YWHAZ: variants seen among roughly 807,000 people sequenced by gnomAD.
YWHAZ encodes 14-3-3 protein zeta/delta.
For synonymous variants in YWHAZ, 87 were observed against 103.6 expected (o/e 0.84, Z 0.97); for missense variants, 79 against 284.8 (o/e 0.28, Z 5.20).
intron 2 of YWHAZ, among the ~76,000 whole-genome samples, chr8:100,929,301 G>A (rs1446090173): frequency 6.6e-6 from 1 of 151,244 alleles, no homozygotes; most frequent in East Asian, 1.9e-4. Context: ...CTGAGTTCAA[G>A]CGTTTCTCCT....
intron 2 of YWHAZ, among the ~76,000 whole-genome samples, chr8:100,928,687 T>G (rs1474804711): frequency 6.7e-6 from 1 of 150,004 alleles, no homozygotes; most frequent in African/African-American, 2.5e-5. Context: ...GAGCTGAGAT[T>G]GCGCCATTGC....
intron 1 of YWHAZ, among the ~76,000 whole-genome samples, chr8:100,949,351 C>A (rs754545299): frequency 1.3e-5 from 2 of 152,134 alleles, no homozygotes; most frequent in Non-Finnish European, 2.9e-5. Context: ...TAATTCATAT[C>A]AGTTTAATGT....
intron 2 of YWHAZ, among the ~76,000 whole-genome samples, chr8:100,946,254 T>C (rs767718201): frequency 2.6e-5 from 4 of 152,172 alleles, no homozygotes; most frequent in Non-Finnish European, 5.9e-5. Flanking sequence ...CTGCTACAAG[T>C]TGGGCTGGAC....
At chr8:100,949,415 G>A (rs975655833) in intron 1 of YWHAZ, among the ~76,000 whole-genome samples, 1 of 151,746 alleles carries the variant, frequency 6.6e-6, no homozygotes, top group Non-Finnish European at 1.5e-5. Flanking sequence ...TTACATTTTA[G>A]CTTTAGTGTT....
chr8:100,920,795 TGGGGGGG>T, intron 5 of YWHAZ, 43 bp from the exon 6 acceptor site: 4 of 88,016 alleles, frequency 4.5e-5, no homozygotes, highest in Non-Finnish European at 4.5e-5. Context: ...TTCAGTGGGA[TGGGGGGG>T]GGGGGGCGTT....
rs1192290296 is a variant in YWHAZ at position 100,922,572 on chromosome 8, G to A, written c.678+1383C>T. The A allele has an allele frequency of 1.3e-5, 2 of 152,120 alleles. No homozygotes were observed. Among genetic ancestry groups the A allele is most frequent in the Non-Finnish European group, 2.9e-5 (2 of 68,080 alleles). 9.4% of individuals were successfully genotyped at this position (152,120 alleles called of 1,614,324 possible). ...AGCTAATTTTTGTATTTTTAGTAGA[G>A]ATGGGGTTTCACCATCTTGGCCAAG... is the stretch of plus-strand genomic sequence containing the variant. On this transcript the variant is annotated intron_variant, in intron 5 of 5. Transcript: ENST00000395958. The surrounding 1 kb of genome is among the most constrained non-coding windows in gnomAD (Gnocchi z 4.1).
chr8:100,921,477 C>T (rs1178790873), intron 5 of YWHAZ, among the ~76,000 whole-genome samples: 1 of 152,192 alleles, frequency 6.6e-6, no homozygotes, highest in Non-Finnish European at 1.5e-5. Flanking sequence ...CTACTCTCCA[C>T]TGGTAGATCT....
At chr8:100,934,521 C>T (rs1443180545) in intron 2 of YWHAZ, among the ~76,000 whole-genome samples, 4 of 151,718 alleles carry the variant, frequency 2.6e-5, no homozygotes, top group African/African-American at 4.8e-5. Context: ...GCTAACATGG[C>T]GAAACTCCGT....
chr8:100,937,830 A>G (rs151125184), intron 2 of YWHAZ, among the ~76,000 whole-genome samples: 563 of 152,314 alleles, frequency 3.7e-3, no homozygotes, highest in Non-Finnish European at 5.7e-3. Context: ...CACCCTAATT[A>G]TAGTCTGAAA....
chr8:100,952,860 G>C, upstream of YWHAZ: 2 of 1,000,314 alleles, frequency 2.0e-6, no homozygotes, highest in African/African-American at 1.7e-5. Flanking sequence ...CTGCTGGCTC[G>C]GGGGAAGCGG....
rs1812799747 is a variant in YWHAZ at position 100,918,408 on chromosome 8, T to TTATATATACATATATATATATA, written c.*2284_*2285insTATATATATATATGTATATATA. The TTATATATACATATATATATATA allele has an allele frequency of 2.4e-5, 1 of 41,882 alleles. No individual in the cohort carries two copies. Among genetic ancestry groups the TTATATATACATATATATATATA allele is most frequent in the East Asian group, 1.5e-3 (1 of 688 alleles). 2.6% of individuals were successfully genotyped at this position (41,882 alleles called of 1,614,324 possible). ...AGTCTAGCTATAAAATATAATTACT[T>TTATATATACATATATATATATA]TATATATATATATATATATATATAT... On this transcript the variant is annotated 3_prime_UTR_variant, in exon 6 of 6. Coordinates refer to ENST00000395958, the MANE Select transcript of YWHAZ (RefSeq NM_145690.3).
chr8:100,925,158 T>TCAATA, intron 2 of YWHAZ, 119 bp from the exon 3 acceptor site: 5 of 1,068,250 alleles, frequency 4.7e-6, no homozygotes, highest in Non-Finnish European at 5.3e-6. Context: ...CCAGTCACTG[T>TCAATA]CAATACAATT....
chr8:100,948,672 T>C lies in YWHAZ; in HGVS notation c.218A>G (p.Glu73Gly). ...SSIEQKTEGAEKKQQMAREYR... is the reference protein window; with the variant it reads ...SSIEQKTEGAGKKQQMAREYR... The stretch of plus-strand genomic sequence containing the variant: ...TTCTCGAGCCATCTGCTGTTTTTTC[T>C]CAGCACCTTCCGTCTTTTGTTCAAT... Residue 73 changes from glutamate to glycine, a missense_variant, in exon 2 of 6, where the codon GAG becomes GGG. By Grantham distance (98) the Glu-to-Gly change is moderately conservative (BLOSUM62 -2). Transcript: ENST00000395958. This position sits in a 1 kb window ranked among gnomAD's most constrained non-coding sequence, Gnocchi z 4.2. 1 of 1,606,920 alleles carries C rather than the reference T, an allele frequency of 6.2e-7. No individual in the cohort carries two copies. Among genetic ancestry groups the C allele is most frequent in the East Asian group, 2.2e-5 (1 of 44,890 alleles).
intron 2 of YWHAZ, among the ~76,000 whole-genome samples, chr8:100,925,691 G>C (rs1813313527): frequency 6.6e-6 from 1 of 152,154 alleles, no homozygotes; most frequent in Non-Finnish European, 1.5e-5. Flanking sequence ...CACGATTACA[G>C]ATCATCCCAG....
At chr8:100,925,384 T>C (rs1402206304) in intron 2 of YWHAZ, among the ~76,000 whole-genome samples, 1 of 152,214 alleles carries the variant, frequency 6.6e-6, no homozygotes, top group African/African-American at 2.4e-5. Context: ...AAGCTTTCCA[T>C]CTGAAGTTTC....
chr8:100,941,897 C>A (rs1219394261), intron 2 of YWHAZ, among the ~76,000 whole-genome samples: 1 of 151,834 alleles, frequency 6.6e-6, no homozygotes, highest in Non-Finnish European at 1.5e-5. Flanking sequence ...GCAGTCCCTG[C>A]AAATTTAATG....
In YWHAZ at chr8:100,922,743, T is replaced by C. The variant is rs4734497; in HGVS notation, c.678+1212A>G. 0.27 allele frequency: 40,815 copies of C among 152,126 alleles called. 5,881 individuals are homozygous for C. The highest frequency in any genetic ancestry group is 0.33 in the Non-Finnish European group (22,142 of 68,010). The allele number at this position is 152,126 out of a possible 1,614,324, so 9.4% of individuals were successfully genotyped here. A position where few individuals can be genotyped will look rare whatever the true frequency, so the allele number is the denominator to read the frequency against. On this transcript the variant is annotated intron_variant, in intron 5 of 5. Coordinates refer to ENST00000395958, the MANE Select transcript of YWHAZ (RefSeq NM_145690.3). The surrounding 1 kb of genome is among the most constrained non-coding windows in gnomAD (Gnocchi z 4.1). Reference sequence around the variant, plus strand: ...ATGCTATACTGATAGCAAAATTCAGTTGGAAGCAGACAGTAGATCAGGGCC... The same window carrying C: ...ATGCTATACTGATAGCAAAATTCAGCTGGAAGCAGACAGTAGATCAGGGCC...
At chr8:100,952,205 G>C, upstream of YWHAZ, 1 of 972,286 alleles carries the variant, frequency 1.0e-6, no homozygotes, top group Non-Finnish European at 1.2e-6. Flanking sequence ...CGTCCTGCCC[G>C]CCCGCGCTGG....
Position 100,926,726 on chromosome 8 carries a change from T to A in YWHAZ, c.295-1687A>T, listed in dbSNP as rs1813391700. 2.6e-5 allele frequency among the ~76,000 whole-genome samples: 4 copies of A among 152,242 alleles called. No individual in the cohort carries two copies. In the South Asian group the frequency reaches 8.3e-4, roughly 32 times the overall value. ...ACATTCATACTTTCATATTCAAAGT[T>A]CTCTTAGCTGCAAAAGTGTTTTGTC... On this transcript the variant is annotated intron_variant, in intron 2 of 5. Transcript: ENST00000395958.
Sources: allele counts gnomAD v4.1 joint callset (sites outside exome capture counted in the v4.1 genomes callset), GRCh38; gene constraint gnomAD v4.1.1; non-coding constraint Gnocchi (gnomAD v3.1); transcripts MANE v1.5; gene names NCBI Gene and HGNC (gene_info 2026-07-23, HGNC 2026-07-21).